Variants in FSTL4 observed in about 807,000 individuals in gnomAD.
FSTL4 encodes the protein follistatin-related protein 4.
A neutral mutation model predicts 78.2 loss-of-function variants in FSTL4; 28 were observed. That is an observed-to-expected ratio of 0.36 (90% confidence interval 0.27 to 0.49). FSTL4 has a LOEUF of 0.49. FSTL4 is among the 20% of genes least tolerant of loss of function. The pLI is 0.98. For missense variants in FSTL4, 922 were observed against 1,084.9 expected, an observed-to-expected ratio of 0.85 and a Z score of 2.11; for synonymous variants, 422 against 440.5, an observed-to-expected ratio of 0.96 and a Z score of 0.53.
the FSTL4 span, among the ~76,000 whole-genome samples, chr5:133,804,223 G>A: frequency 2.0e-5 from 3 of 152,280 alleles, no homozygotes; most frequent in East Asian, 5.8e-4. Flanking sequence ...AAGGCAACAA[G>A]ACCAAAGTCT....
chr5:133,344,968 C>T (rs1270597480), intron 4 of FSTL4, among the ~76,000 whole-genome samples: 1 of 134,248 alleles, frequency 7.4e-6, no homozygotes, highest in African/African-American at 2.9e-5. Context: ...CATGCCCCCA[C>T]TTTTTTTTTT....
the FSTL4 span, among the ~76,000 whole-genome samples, chr5:133,662,641 G>C: frequency 1.3e-5 from 2 of 152,188 alleles, no homozygotes; most frequent in Non-Finnish European, 2.9e-5. Flanking sequence ...TTTAGTGTTT[G>C]AAATCACAGA....
chr5:133,814,905 A>T, the FSTL4 span, among the ~76,000 whole-genome samples: 1 of 152,210 alleles, frequency 6.6e-6, no homozygotes. Context: ...ATTGTGCTCC[A>T]ATTTGTTTCC....
At chr5:133,362,420 T>C (rs1236656250) in intron 4 of FSTL4, among the ~76,000 whole-genome samples, 3 of 152,136 alleles carry the variant, frequency 2.0e-5, no homozygotes, top group African/African-American at 7.2e-5. Context: ...TCTGAAAGAG[T>C]TGAGAACCAG....
At chr5:133,677,082 T>C in the FSTL4 span, among the ~76,000 whole-genome samples, 1 of 152,216 alleles carries the variant, frequency 6.6e-6, no homozygotes, top group Non-Finnish European at 1.5e-5. Context: ...CACACAAATT[T>C]AGTCTTTGGA....
rs1057287720 is a variant in FSTL4 at position 133,225,097 on chromosome 5, A to C, written c.1312+53T>G. On this transcript the variant is annotated intron_variant, in intron 10 of 15. Coordinates refer to ENST00000265342, the MANE Select transcript of FSTL4 (RefSeq NM_015082.2). The surrounding 1 kb of genome is among the most constrained non-coding windows in gnomAD (Gnocchi z 4.6). ...TGGTCAATTGGTGCCCTCCCTTGCCACCCAACACCTCCCAGCCAGCTCAGT... is the reference window on the plus strand; with the variant it reads ...TGGTCAATTGGTGCCCTCCCTTGCCCCCCAACACCTCCCAGCCAGCTCAGT... The C allele has an allele frequency of 1.8e-4, 286 of 1,611,050 alleles. No individual in the cohort carries two copies. Among genetic ancestry groups the C allele is most frequent in the Non-Finnish European group, 2.3e-4 (274 of 1,178,034 alleles).
intron 3 of FSTL4, among the ~76,000 whole-genome samples, chr5:133,421,046 T>G (rs1756681885): frequency 6.6e-6 from 1 of 152,186 alleles, no homozygotes; most frequent in Non-Finnish European, 1.5e-5. Flanking sequence ...TCACCCCTGC[T>G]GCTGCCTTCA....
chr5:133,653,562 G>C, the FSTL4 span, among the ~76,000 whole-genome samples: 1 of 152,170 alleles, frequency 6.6e-6, no homozygotes, highest in Non-Finnish European at 1.5e-5. Context: ...TGAGTTCTTT[G>C]CTGTTTATTG....
At chr5:133,757,453 G>T in the FSTL4 span, among the ~76,000 whole-genome samples, 7 of 152,216 alleles carry the variant, frequency 4.6e-5, no homozygotes, top group African/African-American at 1.7e-4. Context: ...GACAGCACAG[G>T]TCTAACCGCT....
At chr5:133,705,225 A>G in the FSTL4 span, among the ~76,000 whole-genome samples, 3 of 151,970 alleles carry the variant, frequency 2.0e-5, no homozygotes, top group Admixed American at 1.3e-4. Context: ...ACGCCCGGCT[A>G]ATTTTTTGTA....
At chr5:133,541,420 C>T (rs1303064799) in intron 3 of FSTL4, among the ~76,000 whole-genome samples, 1 of 152,106 alleles carries the variant, frequency 6.6e-6, no homozygotes, top group Admixed American at 6.6e-5. Context: ...CATGAGTGTT[C>T]CAGCCAGCAT....
chr5:133,420,008 T>C (rs1408673023), intron 3 of FSTL4, among the ~76,000 whole-genome samples: 1 of 152,228 alleles, frequency 6.6e-6, no homozygotes, highest in Non-Finnish European at 1.5e-5. Context: ...ACGAACCTAA[T>C]GTACATTAAC....
At chr5:133,475,046 G>T (rs1049729828) in intron 3 of FSTL4, among the ~76,000 whole-genome samples, 3 of 152,200 alleles carry the variant, frequency 2.0e-5, no homozygotes, top group Non-Finnish European at 2.9e-5. Flanking sequence ...TGTGTCACAA[G>T]CAGGCTGTGA....
intron 4 of FSTL4, among the ~76,000 whole-genome samples, chr5:133,320,861 G>A (rs906967895): frequency 6.6e-6 from 1 of 152,050 alleles, no homozygotes; most frequent in Non-Finnish European, 1.5e-5. Flanking sequence ...CAAAAAATTA[G>A]CCAGGCATGG....
intron 3 of FSTL4, among the ~76,000 whole-genome samples, chr5:133,504,492 C>T (rs1758571434): frequency 1.3e-5 from 2 of 152,050 alleles, no homozygotes; most frequent in Non-Finnish European, 2.9e-5. Flanking sequence ...ACAGAATAAT[C>T]CTTTAAAACT....
At chr5:133,711,611 T>A in the FSTL4 span, among the ~76,000 whole-genome samples, 300 of 152,302 alleles carry the variant, frequency 2.0e-3, 1 homozygote, top group Admixed American at 3.2e-3. Flanking sequence ...GCCAACCTAC[T>A]GGTGACAGAC....
At chr5:133,232,981 G>A (rs77835649) in intron 8 of FSTL4, among the ~76,000 whole-genome samples, 1,896 of 152,324 alleles carry the variant, frequency 0.012, 43 homozygotes, top group African/African-American at 0.043. Flanking sequence ...AGCCCTTGTC[G>A]GAGGAAATAG....
the FSTL4 span, among the ~76,000 whole-genome samples, chr5:133,791,440 T>G: frequency 2.0e-5 from 3 of 152,204 alleles, no homozygotes; most frequent in Admixed American, 1.3e-4. Context: ...TAAATTCACA[T>G]AGGAGTGATA....
chr5:133,514,194 A>AATAATAATC (rs1450013476), intron 3 of FSTL4, among the ~76,000 whole-genome samples: 4 of 130,966 alleles, frequency 3.1e-5, no homozygotes, highest in Admixed American at 2.9e-4. Context: ...TAATAATAAT[A>AATAATAATC]ATAATAATAA....
Sources: allele counts gnomAD v4.1 joint callset (sites outside exome capture counted in the v4.1 genomes callset), GRCh38; gene constraint gnomAD v4.1.1; non-coding constraint Gnocchi (gnomAD v3.1); transcripts MANE v1.5; gene names NCBI Gene and HGNC (gene_info 2026-07-23, HGNC 2026-07-21).